Variants in NRXN1 observed in about 807,000 individuals in gnomAD.
NRXN1 encodes neurexin 1, also known as neurexin-1.
Under a neutral mutation model 150.9 loss-of-function variants are expected in NRXN1, and 39 were observed. That is an observed-to-expected ratio of 0.26 (90% CI 0.20 to 0.34). The LOEUF (loss-of-function observed/expected upper bound fraction) is 0.34, where lower values mean the gene tolerates loss of function less well. NRXN1 is among the 10% of genes least tolerant of loss of function. NRXN1 has a pLI of 1.00. For missense variants in NRXN1, 1,815 were observed against 1,949.9 expected, an observed-to-expected ratio of 0.93 and a Z score of 1.30; for synonymous variants, 924 against 757.0, an observed-to-expected ratio of 1.22 and a Z score of -3.62.
chr2:50,446,559 TTTCC>T (rs971328321), intron 17 of NRXN1, among the ~76,000 whole-genome samples: 1 of 129,866 alleles, frequency 7.7e-6, no homozygotes, highest in Non-Finnish European at 1.6e-5. Flanking sequence ...TCCCTCCTTC[TTTCC>T]TTCCTTCCTT....
At chr2:50,907,132 T>C (rs1683816749) in intron 5 of NRXN1, among the ~76,000 whole-genome samples, 2 of 150,178 alleles carry the variant, frequency 1.3e-5, no homozygotes, top group African/African-American at 2.5e-5. Context: ...CATTGCCCTA[T>C]ACTCTGGAGG....
intron 5 of NRXN1, among the ~76,000 whole-genome samples, chr2:50,914,116 C>T (rs1684894187): frequency 6.6e-6 from 1 of 151,626 alleles, no homozygotes; most frequent in Admixed American, 6.6e-5. Flanking sequence ...GATTTCCTAC[C>T]ATTGTAGTTC....
rs537936748 is a variant in NRXN1, at chr2:50,521,856, C to A, written c.2374+6769G>T. Among the ~76,000 whole-genome samples the A allele has an allele frequency of 2.1e-4, 32 of 152,210 alleles. No individual in the cohort carries two copies. In the South Asian group the frequency reaches 6.2e-3, roughly 30 times the overall value. On this transcript the variant is annotated intron_variant, in intron 12 of 22. Transcript: ENST00000401669. ...CAGTGGATCCAATTGGATCCAGCAA[C>A]TGGATCATCTGCCACCAAAACTAAG...
chr2:50,160,391 A>C (rs1228098254), intron 18 of NRXN1, among the ~76,000 whole-genome samples: 1 of 152,024 alleles, frequency 6.6e-6, no homozygotes, highest in Non-Finnish European at 1.5e-5. Flanking sequence ...AAATACAAAA[A>C]TTAGCTGGGC....
At chr2:50,244,306 A>C (rs2066301416) in intron 17 of NRXN1, among the ~76,000 whole-genome samples, 1 of 151,840 alleles carries the variant, frequency 6.6e-6, no homozygotes, top group Non-Finnish European at 1.5e-5. Context: ...ATTCATTCAG[A>C]AACACCACCA....
chr2:51,011,956 G>A (rs1333428689), intron 2 of NRXN1, among the ~76,000 whole-genome samples: 1 of 151,854 alleles, frequency 6.6e-6, no homozygotes, highest in Non-Finnish European at 1.5e-5. Flanking sequence ...AAGAGAACTT[G>A]GTCACAGAAA....
intron 17 of NRXN1, among the ~76,000 whole-genome samples, chr2:50,449,340 AGAC>A (rs1157714513): frequency 1.3e-5 from 2 of 152,222 alleles, no homozygotes; most frequent in African/African-American, 4.8e-5. Flanking sequence ...TTAATCCAAA[AGAC>A]GACATTATTT....
At chr2:50,952,213 G>A (rs779893498) in intron 2 of NRXN1, among the ~76,000 whole-genome samples, 6 of 151,444 alleles carry the variant, frequency 4.0e-5, no homozygotes, top group Non-Finnish European at 7.4e-5. Flanking sequence ...TGATCCGCCC[G>A]CCTCGGCCTC....
At chr2:50,514,589 T>C (rs1419323729) in intron 12 of NRXN1, among the ~76,000 whole-genome samples, 1 of 152,232 alleles carries the variant, frequency 6.6e-6, no homozygotes, top group African/African-American at 2.4e-5. Flanking sequence ...GTAAATTTAT[T>C]TGACTTTGCC....
intron 17 of NRXN1, among the ~76,000 whole-genome samples, chr2:50,392,115 G>T (rs1253303112): frequency 6.6e-6 from 1 of 152,094 alleles, no homozygotes; most frequent in Non-Finnish European, 1.5e-5. Context: ...AGCCAATCAT[G>T]CAATTCTAAA....
chr2:50,733,886 A>G (rs1378511738), intron 5 of NRXN1, among the ~76,000 whole-genome samples: 1 of 152,160 alleles, frequency 6.6e-6, no homozygotes, highest in East Asian at 1.9e-4. Context: ...CTAACTACCT[A>G]AAAACTCTAT....
chr2:50,318,817 A>T lies in NRXN1; in HGVS notation c.3365-81847T>A, dbSNP rs150061246. On this transcript the variant is annotated intron_variant, in intron 17 of 22. Transcript: ENST00000401669. Reference sequence around the variant, plus strand: ...AATTCAGAAGGTAGCTAGCTATCTCAGGATAAATAAGAGGGGCATACACAG... The same window carrying T: ...AATTCAGAAGGTAGCTAGCTATCTCTGGATAAATAAGAGGGGCATACACAG... 3.1e-4 allele frequency among the ~76,000 whole-genome samples: 47 copies of T among 152,260 alleles called. No homozygotes were observed. The East Asian group carries it at 8.7e-3, about 28-fold the overall frequency.
chr2:50,023,912 A>G (rs1687921086), intron 21 of NRXN1: 1 of 152,220 alleles, frequency 6.6e-6, no homozygotes, highest in Admixed American at 6.5e-5. Flanking sequence ...TATTAACATT[A>G]TCTGCCATCT....
At chr2:50,945,285 G>A (rs1171761816) in intron 2 of NRXN1, among the ~76,000 whole-genome samples, 1 of 152,072 alleles carries the variant, frequency 6.6e-6, no homozygotes, top group Non-Finnish European at 1.5e-5. Flanking sequence ...ACCAGCCTGG[G>A]CAATATGGTA....
chr2:50,357,306 T>TTTATTTATTTATTTATTTATTTA (rs1558590722), intron 17 of NRXN1, among the ~76,000 whole-genome samples: 2 of 131,422 alleles, frequency 1.5e-5, no homozygotes, highest in African/African-American at 5.3e-5. Context: ...TTATTTATTT[T>TTTATTTATTTATTTATTTATTTA]TTTTTTTATT....
At chr2:50,440,617 T>C (rs1016730080) in intron 17 of NRXN1, among the ~76,000 whole-genome samples, 4 of 152,118 alleles carry the variant, frequency 2.6e-5, no homozygotes, top group Non-Finnish European at 5.9e-5. Flanking sequence ...AAAGGTCTCA[T>C]TGAAGTAGTA....
Position 50,451,266 on chromosome 2 carries a change from G to A in NRXN1, c.3364+14176C>T, listed in dbSNP as rs558781313. Among the ~76,000 whole-genome samples the A allele has an allele frequency of 3.5e-4, 53 of 152,262 alleles. No homozygotes were observed. The South Asian group carries it at 4.2e-3, about 12-fold the overall frequency. On this transcript the variant is annotated intron_variant, in intron 17 of 22. Transcript: ENST00000401669. ...TTACAGGCGTGAGTCACCACGCCTG[G>A]CCTACTTCACAATATTTTGTTCAAC...
chr2:50,945,836 A>T (rs1690265111), intron 2 of NRXN1, among the ~76,000 whole-genome samples: 2 of 150,442 alleles, frequency 1.3e-5, no homozygotes, highest in South Asian at 2.1e-4. Flanking sequence ...TTATCGTAAG[A>T]AACAAGTGAC....
intron 17 of NRXN1, chr2:50,312,641 T>A (rs978054574): frequency 1.7e-5 from 8 of 465,810 alleles, no homozygotes; most frequent in African/African-American, 1.6e-4. Context: ...CTGAGGTATG[T>A]TTTGGAAGTA....
Sources: allele counts gnomAD v4.1 joint callset (sites outside exome capture counted in the v4.1 genomes callset), GRCh38; gene constraint gnomAD v4.1.1; transcripts MANE v1.5; gene names NCBI Gene and HGNC (gene_info 2026-07-23, HGNC 2026-07-21).